The following ZFAT variants were observed in gnomAD, a reference collection of about 807,000 sequenced individuals.
The protein encoded by ZFAT is zinc finger and AT-hook domain containing.
ZFAT carries 64 observed loss-of-function variants against 117.7 expected under a neutral mutation model. The ratio of observed to expected loss-of-function variants is 0.54; its 90% confidence interval spans 0.44 to 0.67. ZFAT has a LOEUF of 0.67. ZFAT is among the 30% of genes least tolerant of loss of function. ZFAT has a pLI of 0.00. For missense variants in ZFAT, 1,433 were observed against 1,584.5 expected (o/e 0.90, Z 1.62); for synonymous variants, 679 against 615.0 (o/e 1.10, Z -1.54).
intron 10 of ZFAT, among the ~76,000 whole-genome samples, chr8:134,565,962 G>T (rs935852880): frequency 1.3e-5 from 2 of 151,850 alleles, no homozygotes; most frequent in African/African-American, 4.9e-5. Flanking sequence ...CTGAAAGTCA[G>T]GTGAGTCTGC....
chr8:134,521,324 A>G (rs1380556713), intron 12 of ZFAT, among the ~76,000 whole-genome samples: 3 of 151,070 alleles, frequency 2.0e-5, no homozygotes, highest in African/African-American at 7.3e-5. Context: ...AAGTGGCTTA[A>G]ATCATTCTTT....
chr8:134,710,115 G>T (rs939571245), intron 1 of ZFAT, among the ~76,000 whole-genome samples: 1 of 152,158 alleles, frequency 6.6e-6, no homozygotes, highest in African/African-American at 2.4e-5. Flanking sequence ...AAAACTCTTG[G>T]GTAAATTCCA....
At chr8:134,718,857 T>A in the ZFAT span, among the ~76,000 whole-genome samples, 1 of 152,214 alleles carries the variant, frequency 6.6e-6, no homozygotes, top group Non-Finnish European at 1.5e-5. Flanking sequence ...TGGCATCTGG[T>A]GTCCACGACT....
upstream of ZFAT, among the ~76,000 whole-genome samples, chr8:134,714,930 A>G (rs1207769343): frequency 2.6e-5 from 4 of 152,184 alleles, no homozygotes; most frequent in Non-Finnish European, 5.9e-5. Context: ...CCTCCACCAC[A>G]AGATACATGG....
chr8:134,811,034 A>G, the ZFAT span, among the ~76,000 whole-genome samples: 1 of 152,206 alleles, frequency 6.6e-6, no homozygotes, highest in East Asian at 1.9e-4. Flanking sequence ...TCAAAAACAC[A>G]GAAGAGAGAA....
At position 134,600,658 on chromosome 8, in the gene ZFAT, A is replaced by G. The variant is rs994256686; in HGVS notation, c.2253T>C (p.Phe751=). Residue 751 remains phenylalanine (F), a synonymous_variant, in exon 7 of 16, where the codon TTT becomes TTC. Coordinates refer to ENST00000377838, the MANE Select transcript of ZFAT (RefSeq NM_020863.4). ...GCATATCAAAATGCACTTGGTACCA[A>G]AAAAGTTTGCCTAAAAAAATATTTT... ...DLECEYCGKL[F]WYQVHFDMHV... 2 of 1,578,384 alleles carry G rather than the reference A, an allele frequency of 1.3e-6. No individual in the cohort carries two copies. Among genetic ancestry groups the G allele is most frequent in the African/African-American group, 2.7e-5 (2 of 73,540 alleles).
the ZFAT span, among the ~76,000 whole-genome samples, chr8:134,769,310 A>G: frequency 6.6e-6 from 1 of 152,216 alleles, no homozygotes; most frequent in Non-Finnish European, 1.5e-5. Context: ...GCCATTGGGT[A>G]AATATACCCA....
At chr8:134,679,839 C>A (rs1832981116) in intron 1 of ZFAT, among the ~76,000 whole-genome samples, 1 of 148,440 alleles carries the variant, frequency 6.7e-6, no homozygotes, top group Admixed American at 7.0e-5. Context: ...AACACAAGAA[C>A]AGAAAACCAA....
At chr8:134,680,407 G>A (rs1833021609) in intron 1 of ZFAT, among the ~76,000 whole-genome samples, 1 of 151,976 alleles carries the variant, frequency 6.6e-6, no homozygotes, top group African/African-American at 2.4e-5. Context: ...AAGAAACTTT[G>A]TGCTACTTTT....
At chr8:134,694,016 A>C (rs1272462139) in intron 1 of ZFAT, among the ~76,000 whole-genome samples, 1 of 152,206 alleles carries the variant, frequency 6.6e-6, no homozygotes, top group African/African-American at 2.4e-5. Context: ...GAAGCATTAC[A>C]CACAGCCAAA....
intron 9 of ZFAT, among the ~76,000 whole-genome samples, chr8:134,587,293 G>C (rs1205130901): frequency 6.6e-6 from 1 of 152,008 alleles, no homozygotes; most frequent in Non-Finnish European, 1.5e-5. Context: ...TTATATGCTG[G>C]TAAACAAAAA....
the ZFAT span, among the ~76,000 whole-genome samples, chr8:134,769,117 G>A: frequency 2.0e-5 from 3 of 152,170 alleles, no homozygotes; most frequent in South Asian, 6.2e-4. Flanking sequence ...AGGTTGCAGT[G>A]AGCTGAAATC....
At chr8:134,617,692 A>G (rs1828841804) in intron 3 of ZFAT, among the ~76,000 whole-genome samples, 1 of 152,144 alleles carries the variant, frequency 6.6e-6, no homozygotes, top group Non-Finnish European at 1.5e-5. Flanking sequence ...CACCACTACA[A>G]AACAGACAGT....
chr8:134,776,682 T>C, the ZFAT span, among the ~76,000 whole-genome samples: 4 of 152,224 alleles, frequency 2.6e-5, no homozygotes, highest in Non-Finnish European at 5.9e-5. Context: ...GGAAGAAAAT[T>C]GTGCTAGAAG....
At chr8:134,540,017 G>C (rs577529406) in intron 11 of ZFAT, among the ~76,000 whole-genome samples, 1 of 152,164 alleles carries the variant, frequency 6.6e-6, no homozygotes, top group Non-Finnish European at 1.5e-5. Flanking sequence ...AAACACAAGA[G>C]TATGACTGTG....
chr8:134,559,301 T>C (rs950146374), intron 11 of ZFAT, among the ~76,000 whole-genome samples: 1 of 152,202 alleles, frequency 6.6e-6, no homozygotes, highest in Non-Finnish European at 1.5e-5. Context: ...CATAAGTAAA[T>C]ACAAATATGG....
At chr8:134,522,473 CT>C (rs1268797834) in intron 12 of ZFAT, among the ~76,000 whole-genome samples, 1 of 152,242 alleles carries the variant, frequency 6.6e-6, no homozygotes, top group Non-Finnish European at 1.5e-5. Context: ...CTTACTTTCA[CT>C]ATCATTATTC....
intron 15 of ZFAT, among the ~76,000 whole-genome samples, chr8:134,490,476 G>A (rs957540988): frequency 6.6e-6 from 1 of 152,230 alleles, no homozygotes; most frequent in Non-Finnish European, 1.5e-5. Context: ...ACTTGGCGAT[G>A]TCTGGTCTAC....
chr8:134,605,833 G>A (rs1449244387), intron 5 of ZFAT, among the ~76,000 whole-genome samples: 1 of 152,162 alleles, frequency 6.6e-6, no homozygotes, highest in Non-Finnish European at 1.5e-5. Flanking sequence ...AACAAGCACA[G>A]CCCTGCCCTC....
Sources: gnomAD v4.1 joint callset for allele counts (sites outside exome capture counted in the v4.1 genomes callset) on GRCh38, gnomAD v4.1.1 for gene constraint, MANE v1.5 for transcripts, NCBI Gene and HGNC (gene_info 2026-07-23, HGNC 2026-07-21) for gene names.